Variants in FHOD3 observed in about 807,000 individuals in gnomAD.
The protein encoded by FHOD3 is FH1/FH2 domain-containing protein 3.
A neutral mutation model predicts 173.0 loss-of-function variants in FHOD3; 90 were observed. The ratio of observed to expected loss-of-function variants is 0.52; its 90% CI spans 0.44 to 0.62. The LOEUF (loss-of-function observed/expected upper bound fraction) is 0.62. FHOD3 is among the 20% of genes least tolerant of loss of function. FHOD3 has a pLI of 0.00. For missense variants in FHOD3, 1,945 were observed against 2,034.7 expected (o/e 0.96, Z 0.85); for synonymous variants, 828 against 823.0 (o/e 1.01, Z -0.10).
At chr18:36,670,130 A>G (rs974850668) in intron 14 of FHOD3, among the ~76,000 whole-genome samples, 3 of 152,002 alleles carry the variant, frequency 2.0e-5, no homozygotes, top group African/African-American at 7.2e-5. Flanking sequence ...TCTGCATGTA[A>G]CATATCATTT....
intron 3 of FHOD3, among the ~76,000 whole-genome samples, chr18:36,373,084 A>G (rs1966840103): frequency 6.6e-6 from 1 of 152,128 alleles, no homozygotes; most frequent in African/African-American, 2.4e-5. Flanking sequence ...TCTGTGAGGC[A>G]TGCCTGTGGG....
intron 3 of FHOD3, among the ~76,000 whole-genome samples, chr18:36,410,678 C>G (rs190600534): frequency 6.6e-6 from 1 of 152,064 alleles, no homozygotes; most frequent in Non-Finnish European, 1.5e-5. Flanking sequence ...TTGTCTGTCT[C>G]GTTGATTATA....
chr18:36,760,579 C>T, intron 26 of FHOD3, 29 bp from the exon 27 acceptor site: 1 of 1,529,718 alleles, frequency 6.5e-7, no homozygotes, highest in African/African-American at 1.4e-5. Context: ...GAGTCTCCCT[C>T]ACCTGCTAAC....
intron 13 of FHOD3, among the ~76,000 whole-genome samples, chr18:36,657,115 G>T (rs1458419263): frequency 6.6e-6 from 1 of 152,170 alleles, no homozygotes; most frequent in African/African-American, 2.4e-5. Flanking sequence ...GTTTGGACTG[G>T]ATTCTCCATG....
intron 9 of FHOD3, among the ~76,000 whole-genome samples, chr18:36,621,202 G>C (rs1312087331): frequency 6.6e-6 from 1 of 152,184 alleles, no homozygotes; most frequent in Non-Finnish European, 1.5e-5. Flanking sequence ...ATGTGTCCTT[G>C]TAAGGGGTCA....
At chr18:36,689,151 T>C (rs756359153) in intron 16 of FHOD3, among the ~76,000 whole-genome samples, 2 of 152,228 alleles carry the variant, frequency 1.3e-5, no homozygotes, top group Admixed American at 6.5e-5. Flanking sequence ...AGGGGAAATA[T>C]AGACTTTCAT....
intron 3 of FHOD3, among the ~76,000 whole-genome samples, chr18:36,471,918 A>G (rs1216130244): frequency 6.6e-6 from 1 of 152,214 alleles, no homozygotes; most frequent in Admixed American, 6.5e-5. Context: ...CAATGACAAA[A>G]TACCTGTGAA....
At chr18:36,468,290 G>A (rs762263688) in intron 3 of FHOD3, among the ~76,000 whole-genome samples, 7 of 152,196 alleles carry the variant, frequency 4.6e-5, no homozygotes, top group Admixed American at 2.0e-4. Flanking sequence ...GGGTAATGCT[G>A]CCTGGAGGAC....
intron 1 of FHOD3, among the ~76,000 whole-genome samples, chr18:36,304,473 C>T (rs2144498974): frequency 6.6e-6 from 1 of 152,200 alleles, no homozygotes; most frequent in Non-Finnish European, 1.5e-5. Context: ...CCAATAGTCC[C>T]CTTGGGATCA....
At chr18:36,777,770 G>C (rs889535627) in intron 28 of FHOD3, 1 of 152,182 alleles carries the variant, frequency 6.6e-6, no homozygotes. Flanking sequence ...CAAACATTCA[G>C]TCTGGAGGCC....
chr18:36,740,071 T>C (rs2041831135), intron 20 of FHOD3, among the ~76,000 whole-genome samples: 1 of 152,228 alleles, frequency 6.6e-6, no homozygotes, highest in South Asian at 2.1e-4. Flanking sequence ...AGTATTCTGG[T>C]GCCTTTTTGC....
intron 12 of FHOD3, 56 bp downstream of exon 12, chr18:36,652,985 T>C: frequency 6.8e-7 from 1 of 1,474,368 alleles, no homozygotes; most frequent in East Asian, 2.5e-5. Flanking sequence ...GAGAACACAG[T>C]GTGTTAACTG....
intron 3 of FHOD3, among the ~76,000 whole-genome samples, chr18:36,450,160 A>G (rs936284186): frequency 4.6e-5 from 7 of 152,184 alleles, no homozygotes; most frequent in Non-Finnish European, 8.8e-5. Flanking sequence ...TATGAGTGAG[A>G]ACATACGATG....
chr18:36,670,233 C>T (rs528342597), intron 14 of FHOD3, among the ~76,000 whole-genome samples: 39 of 152,080 alleles, frequency 2.6e-4, no homozygotes, highest in African/African-American at 9.2e-4. Context: ...ATGTTTCTTA[C>T]GCTTGGGACT....
intron 13 of FHOD3, 36 bp from the exon 14 acceptor site, chr18:36,658,039 C>A (rs1256284537): frequency 1.4e-6 from 2 of 1,458,028 alleles, no homozygotes; most frequent in South Asian, 2.3e-5. Flanking sequence ...ATTTCTCTAT[C>A]CTTTTCCCCC....
chr18:36,530,083 G>C, intron 5 of FHOD3, among the ~76,000 whole-genome samples: 1 of 152,176 alleles, frequency 6.6e-6, no homozygotes. Context: ...ATTCGAGGTG[G>C]AAGACTATGT....
At chr18:36,407,035 A>G (rs1367770942) in intron 3 of FHOD3, among the ~76,000 whole-genome samples, 1 of 152,202 alleles carries the variant, frequency 6.6e-6, no homozygotes, top group Non-Finnish European at 1.5e-5. Flanking sequence ...GTGTAATCGC[A>G]TCATGTGTCT....
intron 14 of FHOD3, among the ~76,000 whole-genome samples, chr18:36,674,484 GTCT>G (rs1375614631): frequency 6.6e-6 from 1 of 152,186 alleles, no homozygotes; most frequent in Non-Finnish European, 1.5e-5. Context: ...GCCTTGAGCA[GTCT>G]TCTTGTTTCA....
intron 3 of FHOD3, among the ~76,000 whole-genome samples, chr18:36,393,484 C>T (rs1180945430): frequency 6.6e-6 from 1 of 152,138 alleles, no homozygotes; most frequent in East Asian, 1.9e-4. Context: ...AAAGATACTC[C>T]TAGACATTGC....
Sources: gnomAD v4.1 joint callset for allele counts (sites outside exome capture counted in the v4.1 genomes callset) on GRCh38, gnomAD v4.1.1 for gene constraint, MANE v1.5 for transcripts, NCBI Gene and HGNC (gene_info 2026-07-23, HGNC 2026-07-21) for gene names.